The following TCF12 variants were observed in gnomAD, a reference collection of about 807,000 sequenced individuals.
TCF12 encodes transcription factor 12, also known as DNA-binding protein HTF4.
A neutral mutation model predicts 86.0 loss-of-function variants in TCF12; 45 were observed. The ratio of observed to expected loss-of-function variants is 0.52; its 90% CI spans 0.41 to 0.67. The LOEUF (loss-of-function observed/expected upper bound fraction) is 0.67, where lower values mean the gene tolerates loss of function less well. Among genes scored for constraint, TCF12 ranks in the 30% least tolerant of loss-of-function variants. The pLI, the probability that TCF12 is intolerant of heterozygous loss-of-function variation, is 0.00. For missense variants in TCF12, 881 were observed against 859.9 expected, an observed-to-expected ratio of 1.02 and a Z score of -0.31; for synonymous variants, 330 against 299.6, an observed-to-expected ratio of 1.10 and a Z score of -1.05.
intron 5 of TCF12, among the ~76,000 whole-genome samples, chr15:57,157,765 G>T (rs2054217722): frequency 1.3e-5 from 2 of 151,956 alleles, no homozygotes; most frequent in African/African-American, 4.8e-5. Flanking sequence ...GTTTCACTAT[G>T]TTGGCTAGGC....
intron 3 of TCF12, among the ~76,000 whole-genome samples, chr15:57,027,756 A>G (rs1324496985): frequency 6.6e-6 from 1 of 152,038 alleles, no homozygotes; most frequent in Non-Finnish European, 1.5e-5. Context: ...AGGATTCCCC[A>G]CGTGAATCAT....
At chr15:57,170,472 A>G (rs1189753536) in intron 6 of TCF12, among the ~76,000 whole-genome samples, 2 of 150,012 alleles carry the variant, frequency 1.3e-5, no homozygotes, top group African/African-American at 4.9e-5. Flanking sequence ...TCTGAAACTT[A>G]AAGTGTATGC....
intron 5 of TCF12, among the ~76,000 whole-genome samples, chr15:57,156,245 C>G (rs1290959543): frequency 6.6e-6 from 1 of 152,176 alleles, no homozygotes; most frequent in Non-Finnish European, 1.5e-5. Flanking sequence ...AAGGGTATGT[C>G]TTATTAATAG....
Position 57,262,212 on chromosome 15 carries a change from A to G in TCF12, c.1582+4A>G, listed in dbSNP as rs2060622043. The G allele has an allele frequency of 1.3e-6, 2 of 1,581,632 alleles. No individual in the cohort carries two copies. The highest frequency in any genetic ancestry group is 1.7e-6 in the Non-Finnish European group (2 of 1,154,052). Reference sequence around the variant, plus strand: ...AAAACACAAGAAAATTATAGAGGTAACTATATTGTTGGTTTTCAGAAATAA... The same window carrying G: ...AAAACACAAGAAAATTATAGAGGTAGCTATATTGTTGGTTTTCAGAAATAA... On this transcript the variant is annotated splice_donor_region_variant and intron_variant, in intron 17 of 20. Transcript: ENST00000333725.
At chr15:57,142,203 G>A (rs368146745) in intron 5 of TCF12, among the ~76,000 whole-genome samples, 24 of 152,104 alleles carry the variant, frequency 1.6e-4, no homozygotes, top group African/African-American at 4.3e-4. Flanking sequence ...ACCCATTATC[G>A]CTATTAGAGA....
chr15:57,225,171 C>A (rs1425294396), intron 8 of TCF12, among the ~76,000 whole-genome samples: 2 of 145,244 alleles, frequency 1.4e-5, no homozygotes, highest in African/African-American at 5.2e-5. Flanking sequence ...GTGAGAAGGC[C>A]TAAGTTTCAG....
intron 6 of TCF12, among the ~76,000 whole-genome samples, chr15:57,189,120 CTGAAT>C (rs2056845109): frequency 1.3e-5 from 2 of 152,226 alleles, no homozygotes; most frequent in South Asian, 4.2e-4. Flanking sequence ...GATCAAGGAC[CTGAAT>C]ATAAGAGCAA....
chr15:56,949,878 T>G (rs1158898262), intron 3 of TCF12, among the ~76,000 whole-genome samples: 11 of 152,188 alleles, frequency 7.2e-5, no homozygotes, highest in African/African-American at 2.4e-4. Flanking sequence ...GTTTTGCTAG[T>G]GTGCTAGACA....
At chr15:56,990,229 G>A (rs987411856) in intron 3 of TCF12, among the ~76,000 whole-genome samples, 1 of 130,914 alleles carries the variant, frequency 7.6e-6, no homozygotes, top group East Asian at 2.2e-4. Flanking sequence ...AATCTTTATC[G>A]TGTGTGTGTG....
intron 3 of TCF12, among the ~76,000 whole-genome samples, chr15:56,931,886 G>A (rs2060262885): frequency 6.6e-6 from 1 of 152,180 alleles, no homozygotes. Flanking sequence ...CCTGTTGCTT[G>A]TACTGTTGCT....
chr15:57,088,828 TG>T (rs1289197792), intron 4 of TCF12, among the ~76,000 whole-genome samples: 9 of 152,178 alleles, frequency 5.9e-5, no homozygotes, highest in African/African-American at 2.2e-4. Flanking sequence ...AAAGCATTGC[TG>T]TAGGTATCGG....
At chr15:57,092,594 G>A (rs1337868863) in intron 5 of TCF12, among the ~76,000 whole-genome samples, 8 of 151,538 alleles carry the variant, frequency 5.3e-5, no homozygotes, top group African/African-American at 1.9e-4. Context: ...GTTTTTTTCA[G>A]TTTGAATACC....
chr15:57,139,862 G>C (rs2151396609), intron 5 of TCF12, among the ~76,000 whole-genome samples: 1 of 152,264 alleles, frequency 6.6e-6, no homozygotes, highest in South Asian at 2.1e-4. Context: ...CAGTAAGCCA[G>C]AAAAAGAGAC....
intron 3 of TCF12, among the ~76,000 whole-genome samples, chr15:57,002,559 A>G (rs1278613912): frequency 1.3e-5 from 2 of 152,202 alleles, no homozygotes; most frequent in African/African-American, 4.8e-5. Flanking sequence ...TTTTTGACAC[A>G]ATACAGAGTA....
At chr15:56,923,255 GC>G (rs2059869900) in intron 3 of TCF12, among the ~76,000 whole-genome samples, 1 of 151,966 alleles carries the variant, frequency 6.6e-6, no homozygotes. Context: ...ACTTTCAGAA[GC>G]TTTTTTAGCT....
intron 4 of TCF12, among the ~76,000 whole-genome samples, chr15:57,071,620 G>A (rs1211005937): frequency 1.3e-5 from 2 of 152,046 alleles, no homozygotes; most frequent in African/African-American, 2.4e-5. Context: ...AGTGAAACCC[G>A]ATCTCAAAAC....
intron 3 of TCF12, among the ~76,000 whole-genome samples, chr15:57,046,142 C>G (rs2067218339): frequency 6.6e-6 from 1 of 152,234 alleles, no homozygotes; most frequent in Non-Finnish European, 1.5e-5. Flanking sequence ...AACATCATCT[C>G]ATTTAATTCT....
chr15:57,050,428 AT>A (rs1392030154), intron 3 of TCF12, among the ~76,000 whole-genome samples: 1 of 152,064 alleles, frequency 6.6e-6, no homozygotes, highest in African/African-American at 2.4e-5. Context: ...TCTTCGTATC[AT>A]TTTGCTCTTA....
In TCF12 at chr15:57,171,444, C is replaced by A. The variant is rs113020361; in HGVS notation, c.390+4978C>A. ...TTTTGTCTTACCTATTCACAAGCGA[C>A]AAAAAAAATCCAAGGAAATATAAAT... is the stretch of plus-strand genomic sequence containing the variant. On this transcript the variant is annotated intron_variant, in intron 6 of 20. Transcript: ENST00000333725. 1.5e-4 allele frequency among the ~76,000 whole-genome samples: 22 copies of A among 151,500 alleles called. 4 individuals are homozygous for A. Among genetic ancestry groups the A allele is most frequent in the African/African-American group, 5.3e-4 (22 of 41,358 alleles).
Sources: gnomAD v4.1 joint callset for allele counts (sites outside exome capture counted in the v4.1 genomes callset) on GRCh38, gnomAD v4.1.1 for gene constraint, MANE v1.5 for transcripts, NCBI Gene and HGNC (gene_info 2026-07-23, HGNC 2026-07-21) for gene names.